The following RBFOX1 variants were observed in gnomAD, a reference collection of about 807,000 sequenced individuals.
RBFOX1 encodes RNA binding fox-1 homolog 1, also known as RNA binding protein fox-1 homolog 1.
Under a neutral mutation model 57.7 loss-of-function variants are expected in RBFOX1, and 8 were observed. The ratio of observed to expected loss-of-function variants is 0.14; its 90% confidence interval spans 0.08 to 0.25. The LOEUF (loss-of-function observed/expected upper bound fraction) is 0.25. RBFOX1 is among the 10% of genes least tolerant of loss of function. The pLI, the probability that RBFOX1 is intolerant of heterozygous loss-of-function variation, is 1.00. For synonymous variants in RBFOX1, 326 were observed against 222.4 expected, an observed-to-expected ratio of 1.47 and a Z score of -4.15; for missense variants, 611 against 548.5, an observed-to-expected ratio of 1.11 and a Z score of -1.14.
chr16:6,374,985 A>G (rs1200402005), intron 2 of RBFOX1, among the ~76,000 whole-genome samples: 2 of 152,060 alleles, frequency 1.3e-5, no homozygotes, highest in Admixed American at 6.5e-5. Flanking sequence ...AGTCTGCAGA[A>G]CAAAGACACT....
chr16:7,199,449 C>A lies in RBFOX1; in HGVS notation c.27+147351C>A, dbSNP rs147373620. On this transcript the variant is annotated intron_variant, in intron 4 of 15. Transcript: ENST00000550418. ...TCAAAATGTCTTTGGAAATGAATGACTGAGTGTTTCAGGCAGCGTACGCCT... is the reference window on the plus strand; with the variant it reads ...TCAAAATGTCTTTGGAAATGAATGAATGAGTGTTTCAGGCAGCGTACGCCT... Among the ~76,000 whole-genome samples, 6 of 152,218 alleles carry A rather than the reference C, an allele frequency of 3.9e-5. No individual in the cohort carries two copies. The East Asian group carries it at 1.2e-3, about 29-fold the overall frequency.
At chr16:7,216,869 T>C (rs2092136791) in intron 4 of RBFOX1, among the ~76,000 whole-genome samples, 1 of 152,168 alleles carries the variant, frequency 6.6e-6, no homozygotes, top group African/African-American at 2.4e-5. Flanking sequence ...TTATTCATTC[T>C]TTTCAATCAT....
intron 1 of RBFOX1, among the ~76,000 whole-genome samples, chr16:6,249,894 T>G (rs2097594497): frequency 6.6e-6 from 1 of 151,884 alleles, no homozygotes; most frequent in Non-Finnish European, 1.5e-5. Flanking sequence ...CGTTTAACAT[T>G]AGGTATATCT....
chr16:7,208,198 T>C (rs939229541), intron 4 of RBFOX1, among the ~76,000 whole-genome samples: 1 of 152,176 alleles, frequency 6.6e-6, no homozygotes, highest in African/African-American at 2.4e-5. Flanking sequence ...TGTAGCCAAT[T>C]ATGTCACCAT....
chr16:5,649,147 A>G (rs982075540), intron 3 of RBFOX1, among the ~76,000 whole-genome samples: 1 of 152,004 alleles, frequency 6.6e-6, no homozygotes, highest in African/African-American at 2.4e-5. Flanking sequence ...ATATACATAT[A>G]TATACACATA....
rs564089677 is a variant in RBFOX1, at chr16:7,201,117, A to G, written c.27+149019A>G. 2.1e-3 allele frequency among the ~76,000 whole-genome samples: 325 copies of G among 152,324 alleles called. 2 individuals carry two copies. Among genetic ancestry groups the G allele is most frequent in the Middle Eastern group, 0.01 (3 of 294 alleles). ...GAATGTAAAAATTGCTCTGCAGGCAACAAAGCTGGAAGATATGAGAGAGAG... is the reference window on the plus strand; with the variant it reads ...GAATGTAAAAATTGCTCTGCAGGCAGCAAAGCTGGAAGATATGAGAGAGAG... On this transcript the variant is annotated intron_variant, in intron 4 of 15. Coordinates refer to ENST00000550418, the MANE Select transcript of RBFOX1 (RefSeq NM_018723.4).
intron 1 of RBFOX1, among the ~76,000 whole-genome samples, chr16:6,214,384 T>G (rs1181098041): frequency 7.0e-4 from 61 of 87,750 alleles, no homozygotes; most frequent in Non-Finnish European, 7.5e-4. Flanking sequence ...AGAGTGAGAG[T>G]GAGAGGGAGA....
At chr16:5,407,390 G>T (rs1209903003) in intron 1 of RBFOX1, among the ~76,000 whole-genome samples, 1 of 152,142 alleles carries the variant, frequency 6.6e-6, no homozygotes, top group East Asian at 1.9e-4. Context: ...GCATGGAGGG[G>T]CTGTGTTCTA....
chr16:6,730,989 G>A (rs2068438827), intron 3 of RBFOX1, among the ~76,000 whole-genome samples: 1 of 152,160 alleles, frequency 6.6e-6, no homozygotes, highest in Admixed American at 6.5e-5. Context: ...GCTTTTGTTA[G>A]TATCATTGAT....
At chr16:7,362,474 T>G (rs2097346786) in intron 4 of RBFOX1, among the ~76,000 whole-genome samples, 2 of 150,752 alleles carry the variant, frequency 1.3e-5, no homozygotes, top group East Asian at 1.9e-4. Context: ...TTGTGTGTGT[T>G]TGTGTGTTTT....
chr16:5,903,054 A>G (rs996111512), intron 4 of RBFOX1, among the ~76,000 whole-genome samples: 1 of 151,988 alleles, frequency 6.6e-6, no homozygotes, highest in Non-Finnish European at 1.5e-5. Context: ...CTTTTCTTGG[A>G]CTTGCCTGAG....
chr16:6,122,262 A>G (rs1376059349), intron 1 of RBFOX1, among the ~76,000 whole-genome samples: 1 of 151,674 alleles, frequency 6.6e-6, no homozygotes, highest in African/African-American at 2.4e-5. Flanking sequence ...TGATTGTCTC[A>G]TCTGCTAGTC....
chr16:5,831,024 A>G (rs1478784435), intron 3 of RBFOX1, among the ~76,000 whole-genome samples: 1 of 152,116 alleles, frequency 6.6e-6, no homozygotes, highest in Admixed American at 6.6e-5. Flanking sequence ...TAACCTTGCT[A>G]ATGCGTTAGT....
At chr16:7,560,176 C>T (rs1224435277) in intron 5 of RBFOX1, among the ~76,000 whole-genome samples, 1 of 152,196 alleles carries the variant, frequency 6.6e-6, no homozygotes, top group Non-Finnish European at 1.5e-5. Context: ...CATCTCCAAC[C>T]AGAGGCAAAC....
chr16:5,296,909 C>G (rs866840310), intron 1 of RBFOX1, among the ~76,000 whole-genome samples: 66 of 152,216 alleles, frequency 4.3e-4, no homozygotes, highest in African/African-American at 1.5e-3. Context: ...GAACTCCTAC[C>G]TCATGATCCT....
chr16:5,638,467 C>T (rs1377657452), intron 3 of RBFOX1, among the ~76,000 whole-genome samples: 6 of 152,076 alleles, frequency 3.9e-5, no homozygotes, highest in African/African-American at 1.2e-4. Flanking sequence ...GCCTCCATTG[C>T]CTCTTACTTT....
At chr16:6,985,347 C>G (rs1283688825) in intron 3 of RBFOX1, among the ~76,000 whole-genome samples, 1 of 152,146 alleles carries the variant, frequency 6.6e-6, no homozygotes, top group Non-Finnish European at 1.5e-5. Flanking sequence ...GCTGCACACA[C>G]ATACATACAC....
chr16:7,160,217 A>G (rs2078017992), intron 4 of RBFOX1, among the ~76,000 whole-genome samples: 1 of 151,986 alleles, frequency 6.6e-6, no homozygotes, highest in African/African-American at 2.4e-5. Context: ...AATAAAGTAC[A>G]GCAAAGAGTT....
At chr16:5,869,190 G>C (rs1189323368) in intron 4 of RBFOX1, among the ~76,000 whole-genome samples, 1 of 151,964 alleles carries the variant, frequency 6.6e-6, no homozygotes, top group Non-Finnish European at 1.5e-5. Flanking sequence ...TATTAGTTCT[G>C]CCAGTCATGA....
Sources: gnomAD v4.1 joint callset for allele counts (sites outside exome capture counted in the v4.1 genomes callset) on GRCh38, gnomAD v4.1.1 for gene constraint, MANE v1.5 for transcripts, NCBI Gene and HGNC (gene_info 2026-07-23, HGNC 2026-07-21) for gene names.